APBB2: variants seen among roughly 807,000 people sequenced by gnomAD.
APBB2 encodes the protein Fe65-like 1.
APBB2 carries 38 observed loss-of-function variants against 82.5 expected under a neutral mutation model. That is an observed-to-expected ratio of 0.46 (90% CI 0.36 to 0.60). APBB2 has a LOEUF of 0.60. Ranked by LOEUF, APBB2 falls within the 20% of genes least tolerant of loss-of-function variation. The pLI is 0.00. For synonymous variants in APBB2, 341 were observed against 368.2 expected, an observed-to-expected ratio of 0.93 and a Z score of 0.85; for missense variants, 772 against 972.3, an observed-to-expected ratio of 0.79 and a Z score of 2.74.
At chr4:41,197,099 C>T in intron 1 of APBB2, among the ~76,000 whole-genome samples, 3 of 152,206 alleles carry the variant, frequency 2.0e-5, no homozygotes, top group African/African-American at 7.2e-5. Flanking sequence ...ATCATGTTGG[C>T]TCAACATGCC....
At chr4:41,136,583 A>G (rs1757626438) in intron 2 of APBB2, among the ~76,000 whole-genome samples, 1 of 152,226 alleles carries the variant, frequency 6.6e-6, no homozygotes, top group Non-Finnish European at 1.5e-5. Context: ...TGAGAAGATT[A>G]CGAAGAAAGC....
intron 10 of APBB2, among the ~76,000 whole-genome samples, chr4:40,904,701 T>TTA (rs397724556): frequency 6.0e-5 from 9 of 149,662 alleles, no homozygotes; most frequent in East Asian, 3.9e-4. Flanking sequence ...TTTTTTTTTT[T>TTA]AAATACTGAA....
intron 12 of APBB2, among the ~76,000 whole-genome samples, chr4:40,834,581 C>T (rs1753185747): frequency 6.6e-6 from 1 of 152,126 alleles, no homozygotes; most frequent in African/African-American, 2.4e-5. Flanking sequence ...GGCTATGTTC[C>T]CTTACATGCC....
At chr4:41,153,590 T>A (rs7655398) in intron 1 of APBB2, among the ~76,000 whole-genome samples, 12,609 of 152,172 alleles carry the variant, frequency 0.083, 611 homozygotes, top group African/African-American at 0.13. Context: ...CACCTAGTAG[T>A]ACAATCTTAA....
At chr4:41,147,229 G>T (rs1406544848) in intron 1 of APBB2, among the ~76,000 whole-genome samples, 1 of 152,294 alleles carries the variant, frequency 6.6e-6, no homozygotes, top group East Asian at 1.9e-4. Context: ...AAGTTTAAAT[G>T]TAGCAGTCTG....
At chr4:41,169,330 T>TA (rs1402258468) in intron 1 of APBB2, among the ~76,000 whole-genome samples, 4 of 151,526 alleles carry the variant, frequency 2.6e-5, no homozygotes, top group Non-Finnish European at 4.4e-5. Context: ...AAACATTACC[T>TA]AAAACTACTC....
At position 40,815,851 on chromosome 4, in the gene APBB2, A is replaced by C; in HGVS notation, c.*241T>G. ...TAATGTTCACAATATTTACAATAAG[A>C]AAAAGACCTTCCACTGCGCATGATG... is the stretch of plus-strand genomic sequence containing the variant. On this transcript the variant is annotated 3_prime_UTR_variant, in exon 18 of 18. Coordinates refer to ENST00000508593, the MANE Select transcript of APBB2 (RefSeq NM_004307.2). 1 of 475,370 alleles carries C rather than the reference A, an allele frequency of 2.1e-6. No individual in the cohort carries two copies. The highest frequency in any genetic ancestry group is 5.9e-4 in the Middle Eastern group (1 of 1,704). The allele number at this position is 475,370 out of a possible 1,614,324, so 29.4% of individuals were successfully genotyped here.
intron 1 of APBB2, among the ~76,000 whole-genome samples, chr4:41,189,153 A>C (rs1266845242): frequency 6.6e-6 from 1 of 152,208 alleles, no homozygotes; most frequent in East Asian, 1.9e-4. Flanking sequence ...GTCAACAGTA[A>C]AGTGGATAGG....
intron 1 of APBB2, among the ~76,000 whole-genome samples, chr4:41,182,729 G>A (rs564367942): frequency 3.6e-4 from 55 of 152,298 alleles, no homozygotes; most frequent in African/African-American, 9.9e-4. Context: ...GAAGCAAGGC[G>A]CCTTCCTCAC....
In APBB2 at chr4:41,018,406, G is replaced by T. The variant is rs566130575; in HGVS notation, c.20-4008C>A. Among the ~76,000 whole-genome samples the T allele has an allele frequency of 3.9e-5, 6 of 152,294 alleles. No homozygotes were observed. The East Asian group carries it at 7.7e-4, about 20-fold the overall frequency. ...GGGCTACTCACCTAGGGTTGGAGAG[G>T]ATCTTCAGGGAAGGGAGGATTATCA... On this transcript the variant is annotated intron_variant, in intron 5 of 17. Transcript: ENST00000508593.
At chr4:40,846,160 TTCC>T (rs1030074773) in intron 12 of APBB2, among the ~76,000 whole-genome samples, 2 of 151,728 alleles carry the variant, frequency 1.3e-5, no homozygotes, top group Admixed American at 1.3e-4. Context: ...TGCCATAAAA[TTCC>T]ATTATTTAAT....
chr4:41,006,532 C>T (rs376494532), intron 6 of APBB2, among the ~76,000 whole-genome samples: 5 of 150,424 alleles, frequency 3.3e-5, no homozygotes, highest in African/African-American at 1.2e-4. Flanking sequence ...GGTGTGATCT[C>T]GGCTCACTGC....
At chr4:41,100,459 G>C (rs188652476) in intron 3 of APBB2, among the ~76,000 whole-genome samples, 180 bp downstream of exon 3, 1 of 141,488 alleles carries the variant, frequency 7.1e-6, no homozygotes, top group Admixed American at 7.0e-5. Context: ...TTAATCTCTT[G>C]CAAGTTTTTT....
intron 2 of APBB2, among the ~76,000 whole-genome samples, chr4:41,133,319 T>C (rs752400768): frequency 6.6e-6 from 1 of 152,220 alleles, no homozygotes; most frequent in Non-Finnish European, 1.5e-5. Context: ...ACCAAATTGC[T>C]TTTGAATTGT....
At chr4:40,977,907 C>T (rs1427285073) in intron 6 of APBB2, among the ~76,000 whole-genome samples, 1 of 152,192 alleles carries the variant, frequency 6.6e-6, no homozygotes, top group Non-Finnish European at 1.5e-5. Context: ...AACACAAACT[C>T]CAGCTCCAAG....
At chr4:41,174,676 TC>T (rs1769278399) in intron 1 of APBB2, among the ~76,000 whole-genome samples, 1 of 152,106 alleles carries the variant, frequency 6.6e-6, no homozygotes, top group Admixed American at 6.6e-5. Context: ...ATTGACCAAC[TC>T]CAGTGTTGCT....
rs1744512367 is a variant in APBB2, at chr4:40,812,000, C to T, written c.*4092G>A. The T allele has an allele frequency of 6.6e-6, 1 of 152,182 alleles. No homozygotes were observed. The highest frequency in any genetic ancestry group is 6.5e-5 in the Admixed American group (1 of 15,272). The allele number at this position is 152,182 out of a possible 1,614,324, so 9.4% of individuals were successfully genotyped here. ...TAAACTTCTTCGTGCTAAAATATCA[C>T]AATCCTAGCAAGACCGCTTACAAAA... On this transcript the variant is annotated 3_prime_UTR_variant, in exon 18 of 18. Coordinates refer to ENST00000508593, the MANE Select transcript of APBB2 (RefSeq NM_004307.2).
chr4:41,015,160 T>C (rs547744111), intron 5 of APBB2, among the ~76,000 whole-genome samples: 2 of 152,330 alleles, frequency 1.3e-5, no homozygotes, highest in East Asian at 1.9e-4. Flanking sequence ...ACTCAGCTGT[T>C]TGCAGTCATC....
At chr4:41,099,152 C>T (rs953413803) in intron 3 of APBB2, among the ~76,000 whole-genome samples, 1 of 152,118 alleles carries the variant, frequency 6.6e-6, no homozygotes, top group African/African-American at 2.4e-5. Context: ...CTTGACATCC[C>T]TCAGAAATTA....
Sources: allele counts gnomAD v4.1 joint callset (sites outside exome capture counted in the v4.1 genomes callset), GRCh38; gene constraint gnomAD v4.1.1; transcripts MANE v1.5; gene names NCBI Gene and HGNC (gene_info 2026-07-23, HGNC 2026-07-21).